USH2A: variants seen among roughly 807,000 people sequenced by gnomAD.
USH2A encodes the protein Usher syndrome 2A (autosomal recessive, mild).
Under a neutral mutation model 538.9 loss-of-function variants are expected in USH2A, and 443 were observed. That is an observed-to-expected ratio of 0.82 (90% CI 0.76 to 0.89). The LOEUF is 0.89. USH2A is among the 40% of genes least tolerant of loss of function. The probability of loss-of-function intolerance (pLI) is 0.00; values close to 1 mark genes in which losing one functional copy is unlikely to be tolerated. For missense variants in USH2A, 6,633 were observed against 6,324.8 expected (o/e 1.05, Z -1.65); for synonymous variants, 2,413 against 2,273.5 (o/e 1.06, Z -1.75).
chr1:215,968,767 T>A (rs180977299), intron 36 of USH2A, among the ~76,000 whole-genome samples: 5 of 152,302 alleles, frequency 3.3e-5, no homozygotes, highest in African/African-American at 1.2e-4. Context: ...AATGATAAAT[T>A]TTCTGTTTCA....
chr1:215,693,454 G>A (rs1007905514), intron 61 of USH2A, among the ~76,000 whole-genome samples: 2 of 152,096 alleles, frequency 1.3e-5, no homozygotes, highest in African/African-American at 4.8e-5. Flanking sequence ...CTTACCTAGA[G>A]TCATACTGCT....
intron 71 of USH2A, among the ~76,000 whole-genome samples, 161 bp downstream of exon 71, chr1:215,628,653 A>G (rs553623018): frequency 6.6e-6 from 1 of 152,304 alleles, no homozygotes; most frequent in African/African-American, 2.4e-5. Flanking sequence ...CTGCTTATCA[A>G]ACAACTGAAG....
intron 3 of USH2A, among the ~76,000 whole-genome samples, chr1:216,366,167 TA>T (rs1298259906): frequency 1.3e-5 from 2 of 151,864 alleles, no homozygotes; most frequent in Non-Finnish European, 2.9e-5. Context: ...AAATGGCAAA[TA>T]AAAGGCTCTG....
chr1:215,675,465 C>T lies in USH2A; in HGVS notation c.12446G>A (p.Trp4149Ter), dbSNP rs1475696927. Residue 4149 changes from tryptophan (W) to a stop codon, truncating the protein, a stop_gained, in exon 63 of 72, where the codon TGG (tryptophan) becomes TAG (stop). Transcript: ENST00000307340. LOFTEE classifies it high-confidence loss of function. The stretch of plus-strand genomic sequence containing the variant: ...AGAGTCTGGAGGGGCTTCATCTGTC[C>T]ACAGAGGCTGAGGCGCCGAGTGTGC... ...GCAHSAPQPLWTDEAPPDSQL... is the reference protein window; with the variant it reads ...GCAHSAPQPL 3.1e-6 allele frequency: 5 copies of T among 1,613,912 alleles called. No individual in the cohort carries two copies. The African/African-American group carries it at 6.7e-5, about 22-fold the overall frequency.
In USH2A at chr1:216,377,892, GAAGA is replaced by G. The variant is rs1209859224; in HGVS notation, c.652-12811_652-12808del. Among the ~76,000 whole-genome samples the G allele has an allele frequency of 6.3e-4, 92 of 146,442 alleles. 1 individual carries two copies. Among genetic ancestry groups the G allele is most frequent in the African/African-American group, 2.0e-3 (80 of 39,462 alleles). On this transcript the variant is annotated intron_variant, in intron 3 of 71. Transcript: ENST00000307340. ...GAAGGAAAGAAAGAAAGGAAGGAAG[GAAGA>G]AAGAAAGAGAAAGAAAGAGAAAGAA...
intron 67 of USH2A, 141 bp downstream of exon 67, chr1:215,647,381 C>T (rs1322349372): frequency 9.5e-7 from 1 of 1,056,210 alleles, no homozygotes; most frequent in Admixed American, 2.0e-5. Context: ...AGTAGTCATC[C>T]TCATCAATGC....
At position 215,732,030 on chromosome 1, in the gene USH2A, A is replaced by G. The variant is rs145572875; in HGVS notation, c.11712-3646T>C. ...CCTCTGAAAATTCTTATAAAAATTA[A>G]AACATAAAAATCATTGGGTAAAATG... On this transcript the variant is annotated intron_variant, in intron 60 of 71. Transcript: ENST00000307340. 2.4e-3 allele frequency among the ~76,000 whole-genome samples: 365 copies of G among 152,306 alleles called. 5 individuals are homozygous for G. The East Asian group carries it at 0.028, about 12-fold the overall frequency.
In USH2A at chr1:215,911,838, G is replaced by T. The variant is rs185597075; in HGVS notation, c.7301-10933C>A. Among the ~76,000 whole-genome samples the T allele has an allele frequency of 4.1e-4, 63 of 152,064 alleles. No individual in the cohort carries two copies. In the East Asian group the frequency reaches 5.1e-3, roughly 12 times the overall value. ...TACATTCCTACCAGCAGGGTACAAG[G>T]GTTCCCTTTCTCCACATCCTTGACA... On this transcript the variant is annotated intron_variant, in intron 38 of 71. Transcript: ENST00000307340.
rs1661660762 is a variant in USH2A, at chr1:215,782,116, C to T, written c.10666G>A (p.Gly3556Arg). ...GAATATTCCTGAAATGGTTGAATTC[C>T]CTCTTTATCAGAGAAGCTCAGTGAT... is the stretch of plus-strand genomic sequence containing the variant. ...GTSLSFSDKE[G>R]IQPFQEYSYQ... The change falls in exon 54 of 72, where the codon GGA (glycine) becomes AGA (arginine). Residue 3556 changes from glycine (G) to arginine (R), a missense_variant. Physicochemically the swap from Gly to Arg is moderately radical, Grantham distance 125. Transcript: ENST00000307340. 2 of 1,613,946 alleles carry T rather than the reference C, an allele frequency of 1.2e-6. No homozygotes were observed. The highest frequency in any genetic ancestry group is 1.7e-6 in the Non-Finnish European group (2 of 1,179,908).
At chr1:215,959,066 A>G (rs2102448807) in intron 37 of USH2A, among the ~76,000 whole-genome samples, 1 of 152,248 alleles carries the variant, frequency 6.6e-6, no homozygotes, top group Non-Finnish European at 1.5e-5. Context: ...CAGAAGCACC[A>G]TGCTTACTCC....
At chr1:215,636,625 C>T (rs1267695719) in intron 69 of USH2A, among the ~76,000 whole-genome samples, 1 of 152,154 alleles carries the variant, frequency 6.6e-6, no homozygotes, top group Non-Finnish European at 1.5e-5. Flanking sequence ...CAGTGGGCCC[C>T]TTGCTCCACA....
intron 32 of USH2A, among the ~76,000 whole-genome samples, chr1:216,039,643 T>G (rs143104453): frequency 6.6e-6 from 1 of 152,210 alleles, no homozygotes; most frequent in East Asian, 1.9e-4. Context: ...AATTCTATTT[T>G]GCTAAGAAAA....
rs757268481 is a variant in USH2A, at chr1:216,089,138, C to T, written c.4760G>A (p.Gly1587Glu). Reference protein sequence around the residue: ...GRLYFLFDPQGSPVEVTTTND... With the variant: ...GRLYFLFDPQESPVEVTTTND... ...AGTTGTAGTTACTTCCACTGGTGAC[C>T]CCTTAAGGGAATGAATGAATAAATA... Residue 1587 changes from glycine (G) to glutamate (E), a missense_variant and splice_region_variant, in exon 23 of 72, where the codon GGG becomes GAG. By Grantham distance (98) the Gly-to-Glu change is moderately conservative. Transcript: ENST00000307340. 3.0e-5 allele frequency: 48 copies of T among 1,612,040 alleles called. 1 individual carries two copies. The South Asian group carries it at 4.9e-4, about 17-fold the overall frequency.
intron 14 of USH2A, among the ~76,000 whole-genome samples, chr1:216,220,029 C>T (rs1242553245): frequency 6.6e-6 from 1 of 152,064 alleles, no homozygotes; most frequent in East Asian, 1.9e-4. Context: ...GGAATTTCTT[C>T]CAGTTGTGGA....
chr1:215,815,976 T>G (rs1662848635), intron 48 of USH2A, among the ~76,000 whole-genome samples: 1 of 152,006 alleles, frequency 6.6e-6, no homozygotes, highest in African/African-American at 2.4e-5. Flanking sequence ...ATACAACTAT[T>G]CTCTCTTTGT....
chr1:216,107,493 C>T (rs536788714), intron 21 of USH2A, among the ~76,000 whole-genome samples: 1 of 151,612 alleles, frequency 6.6e-6, no homozygotes, highest in East Asian at 1.9e-4. Context: ...TACTTTTAAG[C>T]TTTTTATGTT....
chr1:215,709,387 T>A (rs1373504737), intron 61 of USH2A, among the ~76,000 whole-genome samples: 2 of 152,136 alleles, frequency 1.3e-5, no homozygotes, highest in Admixed American at 6.5e-5. Flanking sequence ...CCCCAAATTA[T>A]TATTTCTACA....
At chr1:215,637,719 T>C (rs1656539381) in intron 69 of USH2A, among the ~76,000 whole-genome samples, 1 of 152,124 alleles carries the variant, frequency 6.6e-6, no homozygotes, top group African/African-American at 2.4e-5. Flanking sequence ...ATTGAAACTA[T>C]CCTTGACAAT....
At position 216,325,603 on chromosome 1, in the gene USH2A, T is replaced by C. The variant is rs765189933; in HGVS notation, c.849-4A>G. ...AGAGAAGACTTCCAGAATCTCTCTG[T>C]GGGAGTCAAGAGGGAGACTGTAAGG... On this transcript the variant is annotated splice_polypyrimidine_tract_variant and splice_region_variant and intron_variant, in intron 5 of 71. Transcript: ENST00000307340. 2 of 1,612,538 alleles carry C rather than the reference T, an allele frequency of 1.2e-6. No individual in the cohort carries two copies. Among genetic ancestry groups the C allele is most frequent in the Admixed American group, 1.7e-5 (1 of 59,876 alleles).
Sources: allele counts gnomAD v4.1 joint callset (sites outside exome capture counted in the v4.1 genomes callset), GRCh38; gene constraint gnomAD v4.1.1; transcripts MANE v1.5; gene names NCBI Gene and HGNC (gene_info 2026-07-23, HGNC 2026-07-21).